Variants in R3HDM1 observed in about 807,000 individuals in gnomAD.
R3HDM1 encodes the protein R3H domain-containing protein 1.
In R3HDM1, 46 loss-of-function variants were observed where a neutral mutation model predicts 141.1. That is an observed-to-expected ratio of 0.33 (90% confidence interval 0.26 to 0.42). R3HDM1 has a LOEUF of 0.42. Ranked by LOEUF, R3HDM1 falls within the 10% of genes least tolerant of loss-of-function variation. The pLI, the probability that R3HDM1 is intolerant of heterozygous loss-of-function variation, is 1.00. For synonymous variants in R3HDM1, 435 were observed against 472.9 expected (o/e 0.92, Z 1.04); for missense variants, 1,184 against 1,368.3 (o/e 0.87, Z 2.12).
rs2069999688 is a variant in R3HDM1, at chr2:135,680,157, G to A, written c.2308-16G>A. ...AAAAAAACCTTTTTCTCTTGAAATT[G>A]TCTTTCAAATTTTAGGTTTCACTGC... On this transcript the variant is annotated splice_polypyrimidine_tract_variant and intron_variant, in intron 20 of 26. Transcript: ENST00000683871. The A allele has an allele frequency of 1.2e-6, 2 of 1,607,876 alleles. No homozygotes were observed. The highest frequency in any genetic ancestry group is 1.3e-5 in the African/African-American group (1 of 74,554).
chr2:135,543,578 A>G (rs1698075344), intron 1 of R3HDM1, among the ~76,000 whole-genome samples: 1 of 152,174 alleles, frequency 6.6e-6, no homozygotes. Flanking sequence ...TGCCATTTAA[A>G]AAATATTAAA....
rs746545628 is a variant in R3HDM1, at chr2:135,636,187, C to T, written c.903+4C>T. 18 of 1,611,046 alleles carry T rather than the reference C, an allele frequency of 1.1e-5. No homozygotes were observed. Among genetic ancestry groups the T allele is most frequent in the Admixed American group, 6.7e-5 (4 of 59,558 alleles). On this transcript the variant is annotated splice_donor_region_variant and intron_variant, in intron 11 of 26. Transcript: ENST00000683871. The stretch of plus-strand genomic sequence containing the variant: ...AGACCGAATATTTTCCCAAGATGTA[C>T]GTACTAACTTACTTAGGTCTTCATG...
chr2:135,671,658 C>T (rs1015259463), intron 19 of R3HDM1, among the ~76,000 whole-genome samples: 11 of 151,826 alleles, frequency 7.2e-5, no homozygotes, highest in Admixed American at 5.2e-4. Context: ...TGTGAACCAC[C>T]GCGCTGGCCC....
chr2:135,585,796 T>C (rs1707773193), intron 1 of R3HDM1, among the ~76,000 whole-genome samples: 1 of 152,220 alleles, frequency 6.6e-6, no homozygotes, highest in Admixed American at 6.6e-5. Context: ...TCTGTTGGTA[T>C]GAAGAAGTAA....
At chr2:135,709,357 G>GC (rs1473387794) in intron 21 of R3HDM1, 76 bp from the exon 22 acceptor site, 41 of 1,575,662 alleles carry the variant, frequency 2.6e-5, no homozygotes, top group Middle Eastern at 1.7e-4. Context: ...ACAGGCGTGA[G>GC]CACCGCGCCC....
intron 5 of R3HDM1, among the ~76,000 whole-genome samples, chr2:135,619,283 G>T (rs1179615487): frequency 6.6e-6 from 1 of 152,106 alleles, no homozygotes; most frequent in Admixed American, 6.6e-5. Context: ...CTTGTTTTTT[G>T]TAGTGCATTT....
In R3HDM1 at chr2:135,710,045, A is replaced by C; in HGVS notation, c.2564-14A>C. 1 of 1,611,822 alleles carries C rather than the reference A, an allele frequency of 6.2e-7. No homozygotes were observed. Among genetic ancestry groups the C allele is most frequent in the Non-Finnish European group, 8.5e-7 (1 of 1,178,598 alleles). On this transcript the variant is annotated splice_polypyrimidine_tract_variant and intron_variant, in intron 22 of 26. Coordinates refer to ENST00000683871, the MANE Select transcript of R3HDM1 (RefSeq NM_001378107.1). ...AAATATTCTGACTATAGCATCCTAA[A>C]TTCTGATTTTCAGCTGGACCACCAC...
At chr2:135,597,072 T>C in intron 1 of R3HDM1, 1 of 981,906 alleles carries the variant, frequency 1.0e-6, no homozygotes, top group Non-Finnish European at 1.2e-6. Flanking sequence ...TGCCTCTCCA[T>C]ATAACTTTTT....
At chr2:135,542,541 T>C (rs921792161) in intron 1 of R3HDM1, among the ~76,000 whole-genome samples, 12 of 152,250 alleles carry the variant, frequency 7.9e-5, no homozygotes, top group Non-Finnish European at 1.5e-4. Flanking sequence ...GAATCTGTTA[T>C]CTGTATTTTT....
chr2:135,722,543 A>G lies in R3HDM1; in HGVS notation c.3039A>G (p.Ala1013=). The change falls in exon 26 of 27, where the codon GCA becomes GCG. Residue 1013 remains alanine, a synonymous_variant. Transcript: ENST00000683871. The part of the protein sequence containing the change: ...AKKAASTDLG[A]GETVVGKVLE... ...AAGCTGCATCCACAGACCTTGGAGCAGGAGAAACAGGTATGTCTCTGAGGG... is the reference window on the plus strand; with the variant it reads ...AAGCTGCATCCACAGACCTTGGAGCGGGAGAAACAGGTATGTCTCTGAGGG... The G allele has an allele frequency of 6.2e-7, 1 of 1,612,928 alleles. No homozygotes were observed. Among genetic ancestry groups the G allele is most frequent in the Non-Finnish European group, 8.5e-7 (1 of 1,179,764 alleles).
chr2:135,705,511 G>A (rs934281245), intron 21 of R3HDM1, among the ~76,000 whole-genome samples: 10 of 152,036 alleles, frequency 6.6e-5, no homozygotes, highest in African/African-American at 2.4e-4. Flanking sequence ...AGTGGTGGGC[G>A]CTTGTAGTTA....
chr2:135,543,655 A>T (rs1052243305), intron 1 of R3HDM1, among the ~76,000 whole-genome samples: 2 of 152,216 alleles, frequency 1.3e-5, no homozygotes, highest in Non-Finnish European at 2.9e-5. Flanking sequence ...ACATGATACC[A>T]TATTTTGTAC....
intron 18 of R3HDM1, among the ~76,000 whole-genome samples, chr2:135,654,101 C>T (rs2065477588): frequency 6.6e-6 from 1 of 152,048 alleles, no homozygotes; most frequent in Admixed American, 6.6e-5. Flanking sequence ...AAAGGAAACC[C>T]CATATCTGTT....
At chr2:135,677,834 C>T (rs2069467163) in intron 20 of R3HDM1, among the ~76,000 whole-genome samples, 1 of 152,186 alleles carries the variant, frequency 6.6e-6, no homozygotes. Flanking sequence ...ATCTGTCCTA[C>T]ACCTCCTGAG....
At chr2:135,654,576 G>A (rs576932285) in intron 18 of R3HDM1, among the ~76,000 whole-genome samples, 2 of 152,204 alleles carry the variant, frequency 1.3e-5, no homozygotes, top group African/African-American at 4.8e-5. Flanking sequence ...AGCCCCCCGA[G>A]TAGCTGGGAT....
chr2:135,631,457 T>G (rs2062707156), intron 7 of R3HDM1, among the ~76,000 whole-genome samples: 1 of 151,778 alleles, frequency 6.6e-6, no homozygotes, highest in South Asian at 2.1e-4. Context: ...ATTGTTAAAG[T>G]TGGGTGATGG....
At chr2:135,577,103 A>C (rs1046467862) in intron 1 of R3HDM1, 1 of 959,526 alleles carries the variant, frequency 1.0e-6, no homozygotes, top group African/African-American at 1.8e-5. Context: ...AGAGAAAAAA[A>C]GACCATATAA....
intron 1 of R3HDM1, among the ~76,000 whole-genome samples, chr2:135,555,265 C>G (rs1473142789): frequency 6.6e-6 from 1 of 150,446 alleles, no homozygotes; most frequent in Admixed American, 6.6e-5. Flanking sequence ...CCACTGCACT[C>G]CAGCCTGGTG....
At chr2:135,722,652 T>G in intron 26 of R3HDM1, 99 bp downstream of exon 26, 1 of 1,173,512 alleles carries the variant, frequency 8.5e-7, no homozygotes, top group Non-Finnish European at 1.2e-6. Context: ...CCTAGAATCC[T>G]GCAAAAAGTC....
Sources: gnomAD v4.1 joint callset for allele counts (sites outside exome capture counted in the v4.1 genomes callset) on GRCh38, gnomAD v4.1.1 for gene constraint, MANE v1.5 for transcripts, NCBI Gene and HGNC (gene_info 2026-07-23, HGNC 2026-07-21) for gene names.